Variants in PCDH15 observed in about 807,000 individuals in gnomAD.
The protein encoded by PCDH15 is protocadherin-15.
In PCDH15, 129 loss-of-function variants were observed where a neutral mutation model predicts 178.5. That is an observed-to-expected ratio of 0.72 (90% CI 0.63 to 0.84). The LOEUF (loss-of-function observed/expected upper bound fraction) is 0.84. Ranked by LOEUF, PCDH15 falls within the 40% of genes least tolerant of loss-of-function variation. PCDH15 has a pLI of 0.00. For missense variants in PCDH15, 2,230 were observed against 2,099.9 expected (o/e 1.06, Z -1.21); for synonymous variants, 800 against 732.0 (o/e 1.09, Z -1.50).
intron 2 of PCDH15, among the ~76,000 whole-genome samples, chr10:55,540,122 A>T (rs573578021): frequency 6.6e-6 from 1 of 152,274 alleles, no homozygotes; most frequent in African/African-American, 2.4e-5. Context: ...GATACAACTC[A>T]GATTGTGCCT....
intron 3 of PCDH15, among the ~76,000 whole-genome samples, chr10:54,870,921 C>T (rs1200484747): frequency 6.6e-6 from 1 of 152,128 alleles, no homozygotes; most frequent in Non-Finnish European, 1.5e-5. Flanking sequence ...CTGTTATCTA[C>T]GTAGTAACTT....
rs565668315 is a variant in PCDH15, at chr10:53,950,526, G to A, written c.3122+9206C>T. Among the ~76,000 whole-genome samples the A allele has an allele frequency of 2.6e-3, 389 of 152,170 alleles. 1 individual carries two copies. The highest frequency in any genetic ancestry group is 4.5e-3 in the African/African-American group (187 of 41,534). On this transcript the variant is annotated intron_variant, in intron 23 of 37. Transcript: ENST00000644397. ...TTTGGCAAATTTTTTGATAAATTGT[G>A]TAATATAATGCATTTCCCACTCAAA...
intron 1 of PCDH15, among the ~76,000 whole-genome samples, chr10:55,183,437 T>C (rs1014064121): frequency 1.3e-5 from 2 of 151,878 alleles, no homozygotes; most frequent in African/African-American, 4.8e-5. Context: ...AAGCGCTCTA[T>C]ACACCCAATA....
Position 55,179,793 on chromosome 10 carries a change from T to A in PCDH15, c.-155-13142A>T, listed in dbSNP as rs531042395. On this transcript the variant is annotated intron_variant, in intron 1 of 5. Coordinates refer to the PCDH15 transcript ENST00000458638. ...CTTGCTGATCTGCAGGTGGCAGGAG[T>A]AAAAGAGCTGTAACACTCTCTCCCA... Among the ~76,000 whole-genome samples, 25 of 151,450 alleles carry A rather than the reference T, an allele frequency of 1.7e-4. 1 individual carries two copies. In the South Asian group the frequency reaches 4.6e-3, roughly 28 times the overall value.
At chr10:53,988,713 A>T (rs2091272605) in intron 21 of PCDH15, among the ~76,000 whole-genome samples, 2 of 152,070 alleles carry the variant, frequency 1.3e-5, no homozygotes, top group African/African-American at 2.4e-5. Flanking sequence ...GCCATAAGGG[A>T]GGTCTGTGGG....
chr10:53,975,107 G>A lies in PCDH15; in HGVS notation c.2869-13215C>T, dbSNP rs115780039. Among the ~76,000 whole-genome samples the A allele has an allele frequency of 2.3e-3, 350 of 152,178 alleles. 2 individuals carry two copies. Among genetic ancestry groups the A allele is most frequent in the African/African-American group, 7.8e-3 (325 of 41,536 alleles). On this transcript the variant is annotated intron_variant, in intron 21 of 37. Transcript: ENST00000644397. ...CTGCATCAATATTGCTGCAAAGGGCGTGCTTTCATTCTTTTTTATGTTTGC... is the reference window on the plus strand; with the variant it reads ...CTGCATCAATATTGCTGCAAAGGGCATGCTTTCATTCTTTTTTATGTTTGC...
At chr10:54,332,790 C>A (rs551223666) in intron 6 of PCDH15, among the ~76,000 whole-genome samples, 1 of 151,786 alleles carries the variant, frequency 6.6e-6, no homozygotes, top group African/African-American at 2.4e-5. Context: ...TTTCATTGGA[C>A]GTTTGTAGAA....
chr10:55,582,848 G>T (rs1323507467), intron 2 of PCDH15, among the ~76,000 whole-genome samples: 2 of 151,492 alleles, frequency 1.3e-5, no homozygotes, highest in African/African-American at 4.8e-5. Flanking sequence ...TTTCACTAAT[G>T]ATCCAAAATC....
intron 1 of PCDH15, among the ~76,000 whole-genome samples, chr10:55,237,252 G>A (rs983246195): frequency 1.3e-5 from 2 of 152,040 alleles, no homozygotes; most frequent in Non-Finnish European, 2.9e-5. Flanking sequence ...TTTTCTGACC[G>A]CTGGGATTTC....
At position 55,560,762 on chromosome 10, in the gene PCDH15, T is replaced by A. The variant is rs1000598016; in HGVS notation, c.-156+66863A>T. Among the ~76,000 whole-genome samples, 7 of 152,050 alleles carry A rather than the reference T, an allele frequency of 4.6e-5. No individual in the cohort carries two copies. In the East Asian group the frequency reaches 1.4e-3, roughly 29 times the overall value. On this transcript the variant is annotated intron_variant, in intron 2 of 5. Coordinates refer to the PCDH15 transcript ENST00000613346. ...CAAGTCCTGTGACATATCTGCAAGC[T>A]GTATTCCAGTGCCATTAATTAATAT...
chr10:54,223,763 A>T (rs1270282537), intron 9 of PCDH15, among the ~76,000 whole-genome samples: 2 of 152,042 alleles, frequency 1.3e-5, no homozygotes, highest in East Asian at 3.9e-4. Context: ...TGTACCACAA[A>T]AATAATGGGC....
intron 2 of PCDH15, among the ~76,000 whole-genome samples, chr10:54,658,396 A>G (rs557435634): frequency 5.7e-4 from 87 of 152,308 alleles, no homozygotes; most frequent in African/African-American, 1.9e-3. Context: ...CAAACTATCT[A>G]TAAAATGTAG....
intron 2 of PCDH15, among the ~76,000 whole-genome samples, chr10:55,097,801 T>C (rs1394499138): frequency 6.6e-6 from 1 of 152,040 alleles, no homozygotes; most frequent in Non-Finnish European, 1.5e-5. Context: ...AAGTAGAAAA[T>C]AGCAGTTGTT....
intron 2 of PCDH15, among the ~76,000 whole-genome samples, chr10:55,125,266 C>T (rs1158729940): frequency 1.3e-5 from 2 of 150,872 alleles, no homozygotes; most frequent in African/African-American, 2.4e-5. Context: ...TACCCAAGTA[C>T]CATTACTGCA....
intron 2 of PCDH15, among the ~76,000 whole-genome samples, chr10:55,045,838 A>G (rs1208134384): frequency 1.3e-5 from 2 of 152,046 alleles, no homozygotes; most frequent in African/African-American, 4.8e-5. Context: ...TTCCGCTATC[A>G]TCCTGAAGCA....
At chr10:54,443,390 G>A (rs1199354316) in intron 3 of PCDH15, among the ~76,000 whole-genome samples, 1 of 151,156 alleles carries the variant, frequency 6.6e-6, no homozygotes, top group Non-Finnish European at 1.5e-5. Flanking sequence ...TTAGATGTTG[G>A]TAGATATAGA....
At chr10:55,579,727 A>C (rs1842567857) in intron 2 of PCDH15, among the ~76,000 whole-genome samples, 1 of 152,196 alleles carries the variant, frequency 6.6e-6, no homozygotes, top group Non-Finnish European at 1.5e-5. Flanking sequence ...ATCAATATTA[A>C]CCAATGTCCC....
chr10:55,623,232 T>C (rs1424948612), intron 2 of PCDH15, among the ~76,000 whole-genome samples: 1 of 152,198 alleles, frequency 6.6e-6, no homozygotes, highest in South Asian at 2.1e-4. Context: ...ACACAGGATA[T>C]CAAACAGATT....
chr10:55,585,609 G>A (rs1218953873), intron 2 of PCDH15, among the ~76,000 whole-genome samples: 1 of 152,098 alleles, frequency 6.6e-6, no homozygotes, highest in East Asian at 1.9e-4. Flanking sequence ...CCAGGAGATG[G>A]AGGTTGCATT....
Sources: gnomAD v4.1 joint callset for allele counts (sites outside exome capture counted in the v4.1 genomes callset) on GRCh38, gnomAD v4.1.1 for gene constraint, MANE v1.5 for transcripts, NCBI Gene and HGNC (gene_info 2026-07-23, HGNC 2026-07-21) for gene names.